The following HOATZ variants were observed in gnomAD, a reference collection of about 807,000 sequenced individuals.
HOATZ encodes cilia- and flagella-associated protein HOATZ.
A neutral mutation model predicts 24.9 loss-of-function variants in HOATZ; 26 were observed. That is an observed-to-expected ratio of 1.04 (90% CI 0.76 to 1.45). The LOEUF (loss-of-function observed/expected upper bound fraction) is 1.45. Ranked by LOEUF, HOATZ falls within the 40% of genes most tolerant of loss-of-function variation. The probability of loss-of-function intolerance (pLI) is 0.00; values close to 1 mark genes in which losing one functional copy is unlikely to be tolerated. For synonymous variants in HOATZ, 83 were observed against 76.6 expected (o/e 1.08, Z -0.43); for missense variants, 226 against 201.5 (o/e 1.12, Z -0.74).
In HOATZ at chr11:111,536,745, AACTG is replaced by A. The variant is rs754671216; in HGVS notation, c.453-19_453-16del. 3 of 1,589,048 alleles carry A rather than the reference AACTG, an allele frequency of 1.9e-6. No individual in the cohort carries two copies. In the South Asian group the frequency reaches 3.3e-5, roughly 18 times the overall value. The stretch of plus-strand genomic sequence containing the variant: ...ACAATGGCGGAGTTCTGTGTATTGG[AACTG>A]ACTGATATTACTACCAACAGGAAAG... On this transcript the variant is annotated intron_variant, in intron 5 of 5. Transcript: ENST00000375618.
intron 3 of HOATZ, chr11:111,524,868 T>C (rs985311196): frequency 2.2e-6 from 1 of 445,808 alleles, no homozygotes; most frequent in African/African-American, 2.0e-5. Flanking sequence ...TTCTTTTTCT[T>C]TTCTTTTTTT....
intron 3 of HOATZ, among the ~76,000 whole-genome samples, chr11:111,519,365 A>G (rs76007561): frequency 0.011 from 1,626 of 152,254 alleles, 28 homozygotes; most frequent in African/African-American, 0.036. Context: ...GGCCCTATAT[A>G]TTGATATTTC....
At chr11:111,533,100 T>A (rs1318645166) in intron 3 of HOATZ, among the ~76,000 whole-genome samples, 2 of 152,204 alleles carry the variant, frequency 1.3e-5, no homozygotes, top group East Asian at 3.8e-4. Context: ...ATATCTAAGC[T>A]AGAAATAGGA....
At chr11:111,529,778 CTA>C (rs1489905252) in intron 3 of HOATZ, among the ~76,000 whole-genome samples, 1 of 152,142 alleles carries the variant, frequency 6.6e-6, no homozygotes, top group African/African-American at 2.4e-5. Context: ...CTTCTAAAGT[CTA>C]GTGTTTATTA....
intron 3 of HOATZ, among the ~76,000 whole-genome samples, chr11:111,527,596 A>G (rs574335112): frequency 6.6e-6 from 1 of 152,294 alleles, no homozygotes; most frequent in East Asian, 1.9e-4. Flanking sequence ...AAGCCTTCTC[A>G]CTGATTATTC....
intron 3 of HOATZ, among the ~76,000 whole-genome samples, chr11:111,522,876 G>A (rs575860461): frequency 5.5e-4 from 84 of 152,090 alleles, no homozygotes; most frequent in Middle Eastern, 3.4e-3. Flanking sequence ...ACCTAAGGTC[G>A]GGAATTCAAG....
intron 3 of HOATZ, among the ~76,000 whole-genome samples, chr11:111,531,691 A>G (rs1429402919): frequency 6.6e-6 from 1 of 152,224 alleles, no homozygotes; most frequent in Non-Finnish European, 1.5e-5. Context: ...CTAAAGCTCA[A>G]GTAAAACGTA....
chr11:111,523,205 CTT>C (rs747393521), intron 3 of HOATZ, among the ~76,000 whole-genome samples: 2,352 of 94,234 alleles, frequency 0.025, 56 homozygotes, highest in African/African-American at 0.086. Flanking sequence ...TAAGTGTTCA[CTT>C]TTTTTTTTTT....
At chr11:111,515,100 T>C (rs1867166833) in intron 1 of HOATZ, 90 bp downstream of exon 1, 2 of 828,248 alleles carry the variant, frequency 2.4e-6, no homozygotes, top group South Asian at 3.1e-5. Flanking sequence ...GAAACTGCAA[T>C]GGTATATACA....
rs542827566 is a variant in HOATZ, at chr11:111,534,732, C to G, written c.452+268C>G. On this transcript the variant is annotated intron_variant, in intron 5 of 5. Transcript: ENST00000375618. Reference sequence around the variant, plus strand: ...AGCTCTGTGCACATTCTCTGTCCCTCTCTTCTCACCCTGGGCTATATAATC... The same window carrying G: ...AGCTCTGTGCACATTCTCTGTCCCTGTCTTCTCACCCTGGGCTATATAATC... The G allele has an allele frequency of 2.2e-4, 88 of 406,998 alleles. 1 individual carries two copies. The highest frequency in any genetic ancestry group is 1.6e-3 in the African/African-American group (77 of 49,122). 25.2% of individuals were successfully genotyped at this position (406,998 alleles called of 1,614,324 possible). A position where few individuals can be genotyped will look rare whatever the true frequency, so the allele number is the denominator to read the frequency against.
chr11:111,522,920 T>C (rs677354), intron 3 of HOATZ, among the ~76,000 whole-genome samples: 7,422 of 152,244 alleles, frequency 0.049, 269 homozygotes, highest in Non-Finnish European at 0.074. Flanking sequence ...ACCCCGTCTC[T>C]ACTAAAAATA....
rs1254408542 is a variant in HOATZ, at chr11:111,522,379, T to C, written c.339+6269T>C. 2.0e-5 allele frequency among the ~76,000 whole-genome samples: 3 copies of C among 152,206 alleles called. No individual in the cohort carries two copies. The East Asian group carries it at 5.8e-4, about 29-fold the overall frequency. On this transcript the variant is annotated intron_variant, in intron 3 of 5. Coordinates refer to ENST00000375618, the MANE Select transcript of HOATZ (RefSeq NM_001100388.2). ...GCAGGGCAAATCAAATCGGGTTTATTGAAGAACTGGAATGATTCTGTGGAT... is the reference window on the plus strand; with the variant it reads ...GCAGGGCAAATCAAATCGGGTTTATCGAAGAACTGGAATGATTCTGTGGAT...
At chr11:111,518,964 A>T (rs779760605) in intron 3 of HOATZ, 3 of 455,202 alleles carry the variant, frequency 6.6e-6, no homozygotes, top group South Asian at 3.1e-5. Context: ...ACAGTCTCTG[A>T]TGTGTATTGT....
chr11:111,533,801 T>A lies in HOATZ; in HGVS notation c.395T>A (p.Ile132Asn). The part of the protein sequence containing the change: ...QLLRKQREER[I>N]SKELISLPYK... Reference sequence around the variant, plus strand: ...TTAAGAAAACAAAGAGAAGAAAGGATCTCGGTGAGACCAATAGTGAGGCAT... The same window carrying A: ...TTAAGAAAACAAAGAGAAGAAAGGAACTCGGTGAGACCAATAGTGAGGCAT... The change falls in exon 4 of 6, where the codon ATC (isoleucine) becomes AAC (asparagine). Residue 132 changes from isoleucine (I) to asparagine (N), a missense_variant. Ile to Asn is a moderately radical substitution (Grantham distance 149). Coordinates refer to ENST00000375618, the MANE Select transcript of HOATZ (RefSeq NM_001100388.2). 1 of 1,572,200 alleles carries A rather than the reference T, an allele frequency of 6.4e-7. No individual in the cohort carries two copies. Among genetic ancestry groups the A allele is most frequent in the Non-Finnish European group, 8.6e-7 (1 of 1,167,480 alleles).
chr11:111,528,053 C>T (rs892258474), intron 3 of HOATZ, among the ~76,000 whole-genome samples: 1 of 152,028 alleles, frequency 6.6e-6, no homozygotes, highest in African/African-American at 2.4e-5. Context: ...TATGGTGGCT[C>T]ATGCCTGCAA....
intron 3 of HOATZ, among the ~76,000 whole-genome samples, chr11:111,531,618 T>C (rs926605501): frequency 1.3e-5 from 2 of 152,254 alleles, no homozygotes; most frequent in African/African-American, 4.8e-5. Flanking sequence ...TTGACAGATA[T>C]TGTGAAACAG....
At chr11:111,531,035 G>A (rs945129268) in intron 3 of HOATZ, among the ~76,000 whole-genome samples, 6 of 152,124 alleles carry the variant, frequency 3.9e-5, no homozygotes, top group African/African-American at 1.4e-4. Context: ...GGAAAAAAAT[G>A]AATGAATATA....
rs754112966 is a variant in HOATZ at position 111,536,767 on chromosome 11, C to T, written c.453-3C>T. On this transcript the variant is annotated splice_region_variant and splice_polypyrimidine_tract_variant and intron_variant, in intron 5 of 5. Transcript: ENST00000375618. Reference sequence around the variant, plus strand: ...TGGAACTGACTGATATTACTACCAACAGGAAAGTGGTATCAGAGTCAGATA... The same window carrying T: ...TGGAACTGACTGATATTACTACCAATAGGAAAGTGGTATCAGAGTCAGATA... 6.2e-7 allele frequency: 1 copy of T among 1,611,316 alleles called. No individual in the cohort carries two copies. The highest frequency in any genetic ancestry group is 1.7e-5 in the Admixed American group (1 of 60,008).
chr11:111,525,750 A>G (rs773946434), intron 3 of HOATZ, among the ~76,000 whole-genome samples: 3 of 152,246 alleles, frequency 2.0e-5, no homozygotes, highest in Non-Finnish European at 4.4e-5. Context: ...GAGCACTTCT[A>G]TGTGCCTGGC....
Sources: allele counts gnomAD v4.1 joint callset (sites outside exome capture counted in the v4.1 genomes callset), GRCh38; gene constraint gnomAD v4.1.1; transcripts MANE v1.5; gene names NCBI Gene and HGNC (gene_info 2026-07-23, HGNC 2026-07-21).